Variants in MAST4 observed in about 807,000 individuals in gnomAD.
MAST4 encodes the protein microtubule-associated serine/threonine-protein kinase 4.
A neutral mutation model predicts 162.7 loss-of-function variants in MAST4; 89 were observed. The observed-to-expected ratio is 0.55, with a 90% CI of 0.46 to 0.65. The LOEUF is 0.65. Ranked by LOEUF, MAST4 falls within the 30% of genes least tolerant of loss-of-function variation. The probability of loss-of-function intolerance (pLI) is 0.00; values close to 1 mark genes in which losing one functional copy is unlikely to be tolerated. For missense variants in MAST4, 3,153 were observed against 3,374.0 expected (o/e 0.93, Z 1.62); for synonymous variants, 1,479 against 1,361.1 (o/e 1.09, Z -1.91).
At position 67,035,575 on chromosome 5, in the gene MAST4, T is replaced by G. The variant is rs538412459; in HGVS notation, c.675-18829T>G. On this transcript the variant is annotated intron_variant, in intron 4 of 28. Coordinates refer to ENST00000403625, the MANE Select transcript of MAST4 (RefSeq NM_001164664.2). Reference sequence around the variant, plus strand: ...ATCACTTCCTACTCATCAGAGTTACTTATTGTCCAAGCCCACATGGAGTGA... The same window carrying G: ...ATCACTTCCTACTCATCAGAGTTACGTATTGTCCAAGCCCACATGGAGTGA... Among the ~76,000 whole-genome samples, 19 of 152,252 alleles carry G rather than the reference T, an allele frequency of 1.2e-4. No individual in the cohort carries two copies. In the South Asian group the frequency reaches 3.9e-3, roughly 32 times the overall value.
intron 10 of MAST4, among the ~76,000 whole-genome samples, chr5:67,107,466 A>C (rs1312852861): frequency 6.6e-6 from 1 of 152,222 alleles, no homozygotes; most frequent in East Asian, 1.9e-4. Context: ...TTTGCAGATA[A>C]AGAGCTTCCT....
intron 1 of MAST4, among the ~76,000 whole-genome samples, chr5:66,607,782 C>G (rs2149389397): frequency 6.6e-6 from 1 of 152,252 alleles, no homozygotes; most frequent in South Asian, 2.1e-4. Flanking sequence ...TTATTTGCCT[C>G]TTATTACAAA....
intron 4 of MAST4, among the ~76,000 whole-genome samples, chr5:66,992,683 A>G (rs1750190789): frequency 6.6e-6 from 1 of 152,228 alleles, no homozygotes. Context: ...GCAGTTGTGA[A>G]AGAGGAAGAA....
intron 1 of MAST4, among the ~76,000 whole-genome samples, chr5:66,637,545 A>G (rs1343966940): frequency 6.6e-6 from 1 of 152,118 alleles, no homozygotes; most frequent in East Asian, 1.9e-4. Flanking sequence ...TAAGAGCTGC[A>G]GTTATTTTTA....
chr5:66,750,765 G>C (rs967191574), intron 1 of MAST4, among the ~76,000 whole-genome samples: 6 of 152,190 alleles, frequency 3.9e-5, no homozygotes, highest in Non-Finnish European at 7.4e-5. Context: ...ACAAAGCAGA[G>C]GGGAAGCTCG....
intron 1 of MAST4, among the ~76,000 whole-genome samples, chr5:66,731,500 C>T (rs1217565027): frequency 6.7e-6 from 1 of 150,276 alleles, no homozygotes; most frequent in Non-Finnish European, 1.5e-5. Flanking sequence ...AACATACATA[C>T]AGAAAAAGAA....
At chr5:66,958,748 C>T in intron 4 of MAST4, 1 of 154,566 alleles carries the variant, frequency 6.5e-6, no homozygotes, top group Non-Finnish European at 1.4e-5. Context: ...TTAACTCCAC[C>T]AAGGGAAGTG....
Position 67,145,243 on chromosome 5 carries a change from G to A in MAST4, c.2958G>A (p.Glu986=), listed in dbSNP as rs1770928063. 3 of 1,613,810 alleles carry A rather than the reference G, an allele frequency of 1.9e-6. No individual in the cohort carries two copies. Among genetic ancestry groups the A allele is most frequent in the Non-Finnish European group, 2.5e-6 (3 of 1,179,806 alleles). ...AACTGGCTATTTCAACAGAGGGAGAGCAAGATGAAGCTGCCTCCTGCCCTG... is the reference window on the plus strand; with the variant it reads ...AACTGGCTATTTCAACAGAGGGAGAACAAGATGAAGCTGCCTCCTGCCCTG... ...LPKLAISTEG[E]QDEAASCPGD... Residue 986 remains glutamate, a synonymous_variant, in exon 23 of 29, where the codon GAG becomes GAA. Transcript: ENST00000403625.
chr5:66,617,683 C>T (rs143152836), intron 1 of MAST4, among the ~76,000 whole-genome samples: 1 of 152,266 alleles, frequency 6.6e-6, no homozygotes, highest in East Asian at 1.9e-4. Context: ...GATAACCATA[C>T]CCTTTGTTCT....
At chr5:67,008,491 G>A (rs1315546831) in intron 4 of MAST4, among the ~76,000 whole-genome samples, 2 of 152,200 alleles carry the variant, frequency 1.3e-5, no homozygotes, top group African/African-American at 4.8e-5. Flanking sequence ...ATTTCTAAAT[G>A]TTGCTGCTAA....
At chr5:67,053,842 G>A (rs1424847719) in intron 4 of MAST4, among the ~76,000 whole-genome samples, 1 of 152,116 alleles carries the variant, frequency 6.6e-6, no homozygotes, top group Non-Finnish European at 1.5e-5. Context: ...CTGATTTTAT[G>A]ATTCCAGAAC....
chr5:66,833,620 G>A (rs72761262), intron 3 of MAST4, among the ~76,000 whole-genome samples: 2 of 151,934 alleles, frequency 1.3e-5, no homozygotes, highest in Non-Finnish European at 1.5e-5. Context: ...CATGTATCCC[G>A]TTTACCTACA....
At chr5:66,924,630 T>G (rs1220116098) in intron 4 of MAST4, among the ~76,000 whole-genome samples, 2 of 152,164 alleles carry the variant, frequency 1.3e-5, no homozygotes, top group Non-Finnish European at 2.9e-5. Context: ...CCTGACCTCG[T>G]GATCCGCCTA....
chr5:66,910,218 C>T (rs149467287), intron 4 of MAST4, among the ~76,000 whole-genome samples: 2 of 152,280 alleles, frequency 1.3e-5, no homozygotes, highest in African/African-American at 4.8e-5. Context: ...GCCTTAAAAG[C>T]ATACCCTTAA....
intron 3 of MAST4, among the ~76,000 whole-genome samples, chr5:66,811,470 T>C (rs993779997): frequency 2.2e-4 from 34 of 152,150 alleles, no homozygotes; most frequent in African/African-American, 8.0e-4. Flanking sequence ...GGTTGGGAAA[T>C]AGGTTCTTGG....
chr5:66,769,459 C>T (rs1754263603), intron 2 of MAST4, among the ~76,000 whole-genome samples: 1 of 152,062 alleles, frequency 6.6e-6, no homozygotes, highest in Admixed American at 6.6e-5. Context: ...CGCTTAATGA[C>T]GGGGATACGT....
intron 4 of MAST4, among the ~76,000 whole-genome samples, chr5:66,994,460 A>G (rs1301813863): frequency 2.0e-5 from 3 of 150,914 alleles, no homozygotes; most frequent in Non-Finnish European, 4.5e-5. Context: ...TATAAAGACA[A>G]TTCTTGTTTC....
At chr5:66,677,885 T>C (rs11741239) in intron 1 of MAST4, among the ~76,000 whole-genome samples, 92,162 of 151,968 alleles carry the variant, frequency 0.61, 28,300 homozygotes, top group South Asian at 0.7. Flanking sequence ...CTATCAGAAT[T>C]GCCCGATGAA....
At chr5:66,977,001 T>C (rs918753619) in intron 4 of MAST4, among the ~76,000 whole-genome samples, 1 of 152,148 alleles carries the variant, frequency 6.6e-6, no homozygotes, top group African/African-American at 2.4e-5. Context: ...GGCCAAGAGC[T>C]TTAAACCAAG....
Sources: gnomAD v4.1 joint callset for allele counts (sites outside exome capture counted in the v4.1 genomes callset) on GRCh38, gnomAD v4.1.1 for gene constraint, MANE v1.5 for transcripts, NCBI Gene and HGNC (gene_info 2026-07-23, HGNC 2026-07-21) for gene names.